The following WDR17 variants were observed in gnomAD, a reference collection of about 807,000 sequenced individuals.
WDR17 encodes the protein WD repeat-containing protein 17.
In WDR17, 143 loss-of-function variants were observed where a neutral mutation model predicts 161.7. That is an observed-to-expected ratio of 0.88 (90% confidence interval 0.77 to 1.02). The LOEUF is 1.02. Ranked by LOEUF, WDR17 falls within the 50% of genes least tolerant of loss-of-function variation. WDR17 has a pLI of 0.00. For missense variants in WDR17, 1,469 were observed against 1,520.9 expected (o/e 0.97, Z 0.57); for synonymous variants, 517 against 515.6 (o/e 1.00, Z -0.04).
intron 5 of WDR17, among the ~76,000 whole-genome samples, chr4:176,126,498 A>ACGC (rs1380378239): frequency 6.6e-6 from 1 of 152,216 alleles, no homozygotes; most frequent in Non-Finnish European, 1.5e-5. Flanking sequence ...CATAATAGTG[A>ACGC]CGCCACCCTG....
rs181569121 is a variant in WDR17, at chr4:176,120,586, C to T, written c.538+489C>T. On this transcript the variant is annotated intron_variant, in intron 4 of 28. Transcript: ENST00000508596. ...AAAGAAAAATGATAACCCTTTGAACCCCTGTTAGTTAATTGATTTGGCTGA... is the reference window on the plus strand; with the variant it reads ...AAAGAAAAATGATAACCCTTTGAACTCCTGTTAGTTAATTGATTTGGCTGA... Among the ~76,000 whole-genome samples, 1,036 of 151,822 alleles carry T rather than the reference C, an allele frequency of 6.8e-3. 5 individuals carry two copies. The highest frequency in any genetic ancestry group is 0.011 in the Non-Finnish European group (721 of 67,918).
At chr4:176,118,288 C>CAG (rs1740962674) in intron 3 of WDR17, among the ~76,000 whole-genome samples, 1 of 152,142 alleles carries the variant, frequency 6.6e-6, no homozygotes, top group South Asian at 2.1e-4. Context: ...CTGTCTTTCT[C>CAG]TAAATATACA....
chr4:176,125,858 A>G (rs931158599), intron 5 of WDR17, among the ~76,000 whole-genome samples: 1 of 152,224 alleles, frequency 6.6e-6, no homozygotes, highest in South Asian at 2.1e-4. Context: ...AATCTAAACT[A>G]TAAACTAGTT....
In WDR17 at chr4:176,128,872, T is replaced by A; in HGVS notation, c.913+12T>A. 1 of 1,552,226 alleles carries A rather than the reference T, an allele frequency of 6.4e-7. No homozygotes were observed. The highest frequency in any genetic ancestry group is 8.7e-7 in the Non-Finnish European group (1 of 1,154,334). ...TCCAAGAAAAAAGTGTAAGTAAAAA[T>A]GTTATCAAAATTTTAATTTTTAAAA... On this transcript the variant is annotated intron_variant, in intron 6 of 28. Transcript: ENST00000508596.
chr4:176,089,947 C>G (rs544415758), intron 1 of WDR17, among the ~76,000 whole-genome samples: 5 of 152,186 alleles, frequency 3.3e-5, no homozygotes, highest in Admixed American at 1.3e-4. Flanking sequence ...TAAGTGGAAA[C>G]AAGCATAACT....
rs776888739 is a variant in WDR17 at position 176,174,740 on chromosome 4, A to G, written c.3449+22A>G. 7.2e-6 allele frequency: 11 copies of G among 1,534,046 alleles called. No individual in the cohort carries two copies. The Admixed American group carries it at 1.4e-4, about 19-fold the overall frequency. On this transcript the variant is annotated intron_variant, in intron 26 of 28. Transcript: ENST00000508596. ...CAAGGTAAAAAAGGTTTTTTCCTCC[A>G]TCATGACATTAGAGCAATTTCTCTT...
In WDR17 at chr4:176,115,890, A is replaced by T; in HGVS notation, c.218A>T (p.Asp73Val). ...ATTTCTTGGTGTCCACATAATCCTG[A>T]TCTGTTTGCAAGTGGCAGTACTGAT... ...TAISWCPHNP[D>V]LFASGSTDNL... The change falls in exon 3 of 29, where the codon GAT (aspartate) becomes GTT (valine). Residue 73 changes from aspartate (D) to valine (V), a missense_variant. Asp to Val is a radical substitution (Grantham distance 152, BLOSUM62 -3). Coordinates refer to ENST00000508596, the MANE Select transcript of WDR17 (RefSeq NM_181265.4). The T allele has an allele frequency of 6.2e-7, 1 of 1,611,722 alleles. No homozygotes were observed. The highest frequency in any genetic ancestry group is 8.5e-7 in the Non-Finnish European group (1 of 1,178,566).
At chr4:176,144,906 G>A (rs1000681512) in intron 11 of WDR17, among the ~76,000 whole-genome samples, 22 of 151,960 alleles carry the variant, frequency 1.4e-4, no homozygotes, top group African/African-American at 4.6e-4. Flanking sequence ...ACTCATATAT[G>A]CATGTAAATA....
chr4:176,162,081 G>A lies in WDR17; in HGVS notation c.2757G>A (p.Leu919=), dbSNP rs958071791. Residue 919 remains leucine, a synonymous_variant, in exon 21 of 29, where the codon CTG becomes CTA. Transcript: ENST00000508596. ...DIYKEDFNEL[L]HKVSKELAEW... ...CACATTTTTTTCTTTCTAGACTCCT[G>A]CACAAAGTCAGTAAAGAACTGGCAG... 3 of 1,611,610 alleles carry A rather than the reference G, an allele frequency of 1.9e-6. No homozygotes were observed. The highest frequency in any genetic ancestry group is 1.7e-6 in the Non-Finnish European group (2 of 1,178,824).
In WDR17 at chr4:176,180,716, A is replaced by C. The variant is rs1329220570; in HGVS notation, c.*1137A>C. 1.3e-5 allele frequency: 2 copies of C among 152,194 alleles called. No individual in the cohort carries two copies. Among genetic ancestry groups the C allele is most frequent in the Non-Finnish European group, 2.9e-5 (2 of 68,040 alleles). 9.4% of individuals were successfully genotyped at this position (152,194 alleles called of 1,614,324 possible). A position where few individuals can be genotyped will look rare whatever the true frequency, so the allele number is the denominator to read the frequency against. The stretch of plus-strand genomic sequence containing the variant: ...AAAGAGCGAAACTCTGTCTCAAAAA[A>C]CAAACCAACAAAAACCACAATTGAT... On this transcript the variant is annotated 3_prime_UTR_variant, in exon 29 of 29. Transcript: ENST00000508596.
chr4:176,092,334 G>A (rs1327255093), intron 1 of WDR17, among the ~76,000 whole-genome samples: 2 of 145,694 alleles, frequency 1.4e-5, no homozygotes, highest in Non-Finnish European at 3.1e-5. Flanking sequence ...CAGGATGAAG[G>A]ACAAAAACCA....
intron 1 of WDR17, among the ~76,000 whole-genome samples, chr4:176,069,651 A>AT (rs749516871): frequency 4.2e-3 from 633 of 151,900 alleles, no homozygotes; most frequent in Middle Eastern, 6.8e-3. Context: ...GATTCTTCCC[A>AT]TTTTTTTTAG....
At chr4:176,090,275 C>G (rs1323555473) in intron 1 of WDR17, among the ~76,000 whole-genome samples, 1 of 147,918 alleles carries the variant, frequency 6.8e-6, no homozygotes, top group Admixed American at 6.7e-5. Context: ...AAAAAAAAAG[C>G]CTGGCATTTC....
chr4:176,148,163 T>C lies in WDR17; in HGVS notation c.1725T>C (p.Asp575=), dbSNP rs758213390. The stretch of plus-strand genomic sequence containing the variant: ...TTCGAATCTGGGATTATACTCAGGA[T>C]GCTTGCATCAATATTCTTAATGGAC... ...GTVRIWDYTQ[D]ACINILNGHT... The change falls in exon 13 of 29, where the codon GAT becomes GAC. Residue 575 remains aspartate, a synonymous_variant. Transcript: ENST00000508596. 3 of 1,613,882 alleles carry C rather than the reference T, an allele frequency of 1.9e-6. No homozygotes were observed. Among genetic ancestry groups the C allele is most frequent in the East Asian group, 2.2e-5 (1 of 44,850 alleles).
chr4:176,128,943 A>G, intron 6 of WDR17, 83 bp downstream of exon 6: 3 of 1,274,348 alleles, frequency 2.4e-6, no homozygotes, highest in Non-Finnish European at 3.1e-6. Flanking sequence ...GAGATATCAA[A>G]TACTATATGC....
intron 9 of WDR17, 42 bp downstream of exon 9, chr4:176,137,653 A>T: frequency 8.3e-7 from 1 of 1,199,472 alleles, no homozygotes; most frequent in South Asian, 1.8e-5. Flanking sequence ...AATGTTTTAT[A>T]CTATTTTGTA....
intron 4 of WDR17, among the ~76,000 whole-genome samples, chr4:176,121,586 T>G (rs1741591846): frequency 6.6e-6 from 1 of 152,208 alleles, no homozygotes; most frequent in Non-Finnish European, 1.5e-5. Flanking sequence ...TATTCTAAAT[T>G]GCACTCTAGA....
intron 3 of WDR17, 35 bp downstream of exon 3, chr4:176,116,014 A>C: frequency 6.4e-7 from 1 of 1,553,562 alleles, no homozygotes; most frequent in African/African-American, 1.4e-5. Flanking sequence ...TTATGGAATA[A>C]AATATTTTTA....
At chr4:176,150,888 T>G (rs930295726) in intron 16 of WDR17, among the ~76,000 whole-genome samples, 24 of 152,322 alleles carry the variant, frequency 1.6e-4, no homozygotes, top group African/African-American at 5.8e-4. Flanking sequence ...TGTGGACTAT[T>G]CTAATTTTAG....
Sources: allele counts gnomAD v4.1 joint callset (sites outside exome capture counted in the v4.1 genomes callset), GRCh38; gene constraint gnomAD v4.1.1; transcripts MANE v1.5; gene names NCBI Gene and HGNC (gene_info 2026-07-23, HGNC 2026-07-21).